The following AP2B1 variants were observed in gnomAD, a reference collection of about 807,000 sequenced individuals.
The protein encoded by AP2B1 is AP-2 complex subunit beta.
In AP2B1, 23 loss-of-function variants were observed where a neutral mutation model predicts 102.0. The ratio of observed to expected loss-of-function variants is 0.23; its 90% CI spans 0.16 to 0.32. The LOEUF is 0.32. Ranked by LOEUF, AP2B1 falls within the 10% of genes least tolerant of loss-of-function variation. The pLI, the probability that AP2B1 is intolerant of heterozygous loss-of-function variation, is 1.00. For synonymous variants in AP2B1, 381 were observed against 421.2 expected, an observed-to-expected ratio of 0.90 and a Z score of 1.17; for missense variants, 541 against 1,157.4, an observed-to-expected ratio of 0.47 and a Z score of 7.73.
At chr17:35,675,346 A>C (rs991790502) in intron 17 of AP2B1, among the ~76,000 whole-genome samples, 1 of 152,198 alleles carries the variant, frequency 6.6e-6, no homozygotes, top group Non-Finnish European at 1.5e-5. Context: ...GTCAATGACA[A>C]TTTGCATAAG....
chr17:35,668,731 A>G (rs1661613156), intron 14 of AP2B1, among the ~76,000 whole-genome samples: 1 of 152,040 alleles, frequency 6.6e-6, no homozygotes, highest in Non-Finnish European at 1.5e-5. Flanking sequence ...ACCTTTGTTC[A>G]TGCTATTTGA....
At chr17:35,688,428 G>A (rs2142996840) in intron 18 of AP2B1, among the ~76,000 whole-genome samples, 1 of 152,210 alleles carries the variant, frequency 6.6e-6, no homozygotes, top group Admixed American at 6.5e-5. Flanking sequence ...TTTCAGTGAT[G>A]TGCCTCATTG....
intron 1 of AP2B1, 145 bp from the exon 2 acceptor site, chr17:35,593,863 G>A (rs553324270): frequency 1.4e-5 from 7 of 492,582 alleles, no homozygotes; most frequent in African/African-American, 4.0e-5. Context: ...AACCATCAAC[G>A]GTGGTGATAA....
intron 5 of AP2B1, among the ~76,000 whole-genome samples, chr17:35,615,129 A>T (rs930815889): frequency 3.3e-5 from 5 of 152,170 alleles, no homozygotes; most frequent in African/African-American, 1.2e-4. Flanking sequence ...GAAACCCTGG[A>T]TTATGGAAAT....
rs1333532896 is a variant in AP2B1, at chr17:35,627,531, G to A, written c.1059+26G>A. The A allele has an allele frequency of 1.9e-6, 3 of 1,613,780 alleles. No homozygotes were observed. The South Asian group carries it at 3.3e-5, about 18-fold the overall frequency. ...GTCAGACTTTATGCAGACTCAAGTT[G>A]ATGATGATTTAGCTCTTAAGGTCTG... is the stretch of plus-strand genomic sequence containing the variant. On this transcript the variant is annotated intron_variant, in intron 8 of 21. Transcript: ENST00000610402.
chr17:35,717,124 A>T, intron 20 of AP2B1, 71 bp from the exon 21 acceptor site: 1 of 1,523,700 alleles, frequency 6.6e-7, no homozygotes. Context: ...GCTCATAAGG[A>T]TGTGAGAAGA....
Position 35,639,719 on chromosome 17 carries a change from C to G in AP2B1, c.1396C>G (p.Leu466Val). Residue 466 changes from leucine to valine, a missense_variant, in exon 11 of 22, where the codon CTA becomes GTA. Coordinates refer to ENST00000610402, the MANE Select transcript of AP2B1 (RefSeq NM_001030006.2). ...AERIDNADELLESFLEGFHDE... is the reference protein window; with the variant it reads ...AERIDNADELVESFLEGFHDE... ...AAGAATTGACAATGCAGATGAGTTA[C>G]TAGAAAGCTTCCTGGAGGGTTTTCA... The G allele has an allele frequency of 2.5e-6, 4 of 1,614,154 alleles. No individual in the cohort carries two copies. The highest frequency in any genetic ancestry group is 3.4e-6 in the Non-Finnish European group (4 of 1,180,008).
At chr17:35,638,517 G>A (rs991191815) in intron 10 of AP2B1, among the ~76,000 whole-genome samples, 1 of 152,078 alleles carries the variant, frequency 6.6e-6, no homozygotes, top group Non-Finnish European at 1.5e-5. Flanking sequence ...GGCCAGGCGC[G>A]GTGGCTCACG....
At chr17:35,711,395 C>T (rs1195469673) in intron 20 of AP2B1, among the ~76,000 whole-genome samples, 4 of 148,728 alleles carry the variant, frequency 2.7e-5, no homozygotes, top group Admixed American at 2.0e-4. Context: ...GGAGGCAACA[C>T]GGCAGCACAG....
At chr17:35,600,476 A>G (rs1012188381) in intron 3 of AP2B1, among the ~76,000 whole-genome samples, 4 of 152,302 alleles carry the variant, frequency 2.6e-5, no homozygotes, top group South Asian at 2.1e-4. Flanking sequence ...AGCTATTAAA[A>G]TATTATTTCC....
intron 17 of AP2B1, among the ~76,000 whole-genome samples, chr17:35,678,887 C>CA (rs559393620): frequency 2.6e-5 from 4 of 152,290 alleles, no homozygotes; most frequent in African/African-American, 9.6e-5. Flanking sequence ...GCCCTCACCT[C>CA]ACATTATCTG....
In AP2B1 at chr17:35,712,656, CAAAG is replaced by C. The variant is rs558404398; in HGVS notation, c.2626+2340_2626+2343del. On this transcript the variant is annotated intron_variant, in intron 20 of 21. Transcript: ENST00000610402. ...AAAAAAAATAAAAATAAAAATAAAA[CAAAG>C]AAAAAAAGCGTTTTGTTATCCATGA... Among the ~76,000 whole-genome samples the C allele has an allele frequency of 4.6e-5, 7 of 151,944 alleles. No individual in the cohort carries two copies. The East Asian group carries it at 1.4e-3, about 29-fold the overall frequency.
chr17:35,601,245 T>A (rs1272167056), intron 3 of AP2B1, among the ~76,000 whole-genome samples: 1 of 152,222 alleles, frequency 6.6e-6, no homozygotes, highest in African/African-American at 2.4e-5. Context: ...GTACCACAGG[T>A]ATACTATTAA....
intron 9 of AP2B1, among the ~76,000 whole-genome samples, chr17:35,629,190 C>G (rs535830222): frequency 5.3e-5 from 8 of 152,266 alleles, no homozygotes; most frequent in Admixed American, 5.2e-4. Flanking sequence ...TCAAGTGATC[C>G]GCCTGCCTCA....
chr17:35,699,429 A>G (rs780344524), intron 18 of AP2B1, among the ~76,000 whole-genome samples: 8 of 152,348 alleles, frequency 5.3e-5, no homozygotes, highest in Admixed American at 4.6e-4. Context: ...ATAAATCAGT[A>G]TGGCTTTATA....
intron 14 of AP2B1, among the ~76,000 whole-genome samples, chr17:35,665,449 A>C (rs1455602322): frequency 6.6e-6 from 1 of 152,164 alleles, no homozygotes. Flanking sequence ...TGAAGATCAT[A>C]TTAAAATTTG....
intron 17 of AP2B1, among the ~76,000 whole-genome samples, chr17:35,680,693 T>TG (rs2075801423): frequency 3.5e-5 from 2 of 57,504 alleles, no homozygotes; most frequent in East Asian, 4.8e-4. Context: ...TTGGTTTTTT[T>TG]TTTTTTGTTT....
At chr17:35,683,117 A>T (rs1282813652) in intron 18 of AP2B1, among the ~76,000 whole-genome samples, 3 of 152,104 alleles carry the variant, frequency 2.0e-5, no homozygotes, top group African/African-American at 7.2e-5. Flanking sequence ...ACCTCGAGTA[A>T]TCTGCCCACA....
At chr17:35,644,777 C>T (rs2074879414) in intron 12 of AP2B1, among the ~76,000 whole-genome samples, 1 of 152,030 alleles carries the variant, frequency 6.6e-6, no homozygotes, top group African/African-American at 2.4e-5. Context: ...CTCACACCTG[C>T]AATTCCAGCA....
Sources: allele counts gnomAD v4.1 joint callset (sites outside exome capture counted in the v4.1 genomes callset), GRCh38; gene constraint gnomAD v4.1.1; transcripts MANE v1.5; gene names NCBI Gene and HGNC (gene_info 2026-07-23, HGNC 2026-07-21).